Variants in NRXN1 observed in about 807,000 individuals in gnomAD.
NRXN1 encodes the protein neurexin 1.
In NRXN1, 39 loss-of-function variants were observed where a neutral mutation model predicts 150.9. The ratio of observed to expected loss-of-function variants is 0.26; its 90% CI spans 0.20 to 0.34. NRXN1 has a LOEUF of 0.34. NRXN1 is among the 10% of genes least tolerant of loss of function. NRXN1 has a pLI of 1.00. For synonymous variants in NRXN1, 924 were observed against 757.0 expected (o/e 1.22, Z -3.62); for missense variants, 1,815 against 1,949.9 (o/e 0.93, Z 1.30).
At chr2:50,287,667 T>C (rs2072368371) in intron 17 of NRXN1, among the ~76,000 whole-genome samples, 1 of 152,148 alleles carries the variant, frequency 6.6e-6, no homozygotes, top group African/African-American at 2.4e-5. Context: ...TGGAATGGTC[T>C]GATTTCTGTT....
chr2:50,746,880 C>T (rs528612618), intron 5 of NRXN1, among the ~76,000 whole-genome samples: 28 of 152,184 alleles, frequency 1.8e-4, no homozygotes, highest in African/African-American at 6.7e-4. Flanking sequence ...TTGTGGAAGA[C>T]AGATGAATGC....
intron 19 of NRXN1, 59 bp downstream of exon 19, chr2:50,091,264 C>G: frequency 1.3e-6 from 2 of 1,586,672 alleles, no homozygotes; most frequent in Admixed American, 3.3e-5. Context: ...CAAAACAGTG[C>G]TTTTTCTTCC....
At chr2:50,154,131 G>T (rs1471681224) in intron 18 of NRXN1, among the ~76,000 whole-genome samples, 1 of 151,726 alleles carries the variant, frequency 6.6e-6, no homozygotes, top group Non-Finnish European at 1.5e-5. Context: ...TAAAAAGACA[G>T]ATTCCTGGTG....
At chr2:50,715,705 C>G (rs907318308) in intron 5 of NRXN1, among the ~76,000 whole-genome samples, 1 of 152,114 alleles carries the variant, frequency 6.6e-6, no homozygotes, top group Non-Finnish European at 1.5e-5. Flanking sequence ...GCAACACTCT[C>G]TCTTCCTATA....
intron 5 of NRXN1, among the ~76,000 whole-genome samples, chr2:50,920,617 A>G (rs1402566894): frequency 1.3e-5 from 2 of 151,770 alleles, no homozygotes; most frequent in African/African-American, 4.8e-5. Flanking sequence ...GAACATGATG[A>G]GAAATGCCCA....
At chr2:50,773,041 A>G (rs924295485) in intron 5 of NRXN1, among the ~76,000 whole-genome samples, 2 of 152,144 alleles carry the variant, frequency 1.3e-5, no homozygotes, top group Non-Finnish European at 2.9e-5. Context: ...TTATTAATGA[A>G]AGGAACTATT....
At chr2:50,897,969 A>C (rs1682281076) in intron 5 of NRXN1, among the ~76,000 whole-genome samples, 1 of 152,214 alleles carries the variant, frequency 6.6e-6, no homozygotes. Flanking sequence ...TGGATTGAAT[A>C]ATCACTACAG....
In NRXN1 at chr2:50,501,894, C is replaced by T. The variant is rs962890782; in HGVS notation, c.2498-4180G>A. On this transcript the variant is annotated intron_variant, in intron 13 of 22. Transcript: ENST00000401669. Reference sequence around the variant, plus strand: ...ACAGATAACTGACTTAATAGAATTACGATAAAACTTAAAGATATGGGAAAA... The same window carrying T: ...ACAGATAACTGACTTAATAGAATTATGATAAAACTTAAAGATATGGGAAAA... 1.1e-4 allele frequency among the ~76,000 whole-genome samples: 17 copies of T among 152,224 alleles called. 1 individual carries two copies. The highest frequency in any genetic ancestry group is 1.0e-3 in the South Asian group (5 of 4,822).
At chr2:50,831,830 C>A (rs1297418148) in intron 5 of NRXN1, among the ~76,000 whole-genome samples, 1 of 152,138 alleles carries the variant, frequency 6.6e-6, no homozygotes, top group Non-Finnish European at 1.5e-5. Context: ...TTGTACTTTT[C>A]CCAAGAGCAG....
chr2:50,734,313 A>AGTAG (rs1466852646), intron 5 of NRXN1, among the ~76,000 whole-genome samples: 27 of 152,280 alleles, frequency 1.8e-4, no homozygotes, highest in African/African-American at 6.5e-4. Flanking sequence ...AGAATGGTGC[A>AGTAG]TGCTAGTAGT....
At chr2:50,015,206 A>C (rs1225033330) in intron 21 of NRXN1, among the ~76,000 whole-genome samples, 1 of 152,030 alleles carries the variant, frequency 6.6e-6, no homozygotes, top group Non-Finnish European at 1.5e-5. Flanking sequence ...GTATCCCTAG[A>C]TTGTACAATA....
chr2:50,260,594 CG>C (rs1271927206), intron 17 of NRXN1, among the ~76,000 whole-genome samples: 1 of 147,766 alleles, frequency 6.8e-6, no homozygotes, highest in African/African-American at 2.5e-5. Flanking sequence ...AAGCAAACAC[CG>C]ATGACAAAAG....
intron 18 of NRXN1, among the ~76,000 whole-genome samples, chr2:50,169,069 T>C (rs945281814): frequency 6.6e-6 from 1 of 152,212 alleles, no homozygotes; most frequent in Non-Finnish European, 1.5e-5. Flanking sequence ...ATAGCTCATA[T>C]TGAGCAAGTA....
intron 21 of NRXN1, among the ~76,000 whole-genome samples, chr2:49,951,312 C>G (rs1673918107): frequency 6.6e-6 from 1 of 151,858 alleles, no homozygotes; most frequent in Non-Finnish European, 1.5e-5. Context: ...TGTCAGGGAA[C>G]TTGAAATTAA....
At chr2:50,706,873 A>T (rs1192791059) in intron 5 of NRXN1, among the ~76,000 whole-genome samples, 1 of 150,706 alleles carries the variant, frequency 6.6e-6, no homozygotes, top group Non-Finnish European at 1.5e-5. Context: ...TCATATTTTG[A>T]CAATTTATCC....
intron 5 of NRXN1, among the ~76,000 whole-genome samples, chr2:50,718,974 A>G (rs1227287004): frequency 6.6e-6 from 1 of 150,958 alleles, no homozygotes; most frequent in Admixed American, 6.6e-5. Context: ...TATAAAACTA[A>G]TATATAAAAG....
chr2:49,936,064 C>T (rs140719018), intron 22 of NRXN1, among the ~76,000 whole-genome samples: 3 of 152,178 alleles, frequency 2.0e-5, no homozygotes, highest in Non-Finnish European at 4.4e-5. Flanking sequence ...TGGATACATA[C>T]AGGCTGCCTA....
chr2:49,970,485 A>G (rs1677760434), intron 21 of NRXN1: 1 of 152,054 alleles, frequency 6.6e-6, no homozygotes, highest in Non-Finnish European at 1.5e-5. Flanking sequence ...CCATGAATGT[A>G]TAATTGTCTG....
chr2:50,898,755 A>G (rs1256513898), intron 5 of NRXN1, among the ~76,000 whole-genome samples: 3 of 152,112 alleles, frequency 2.0e-5, no homozygotes, highest in Non-Finnish European at 4.4e-5. Context: ...ATACATTTAA[A>G]TAAGTGTTGA....
Sources: allele counts gnomAD v4.1 joint callset (sites outside exome capture counted in the v4.1 genomes callset), GRCh38; gene constraint gnomAD v4.1.1; transcripts MANE v1.5; gene names NCBI Gene and HGNC (gene_info 2026-07-23, HGNC 2026-07-21).